Variants in CGNL1 observed in about 807,000 individuals in gnomAD.
The protein encoded by CGNL1 is cingulin like 1.
CGNL1 carries 132 observed loss-of-function variants against 141.2 expected under a neutral mutation model. The observed-to-expected ratio is 0.93, with a 90% CI of 0.81 to 1.08. The LOEUF (loss-of-function observed/expected upper bound fraction) is 1.08, where lower values mean the gene tolerates loss of function less well. CGNL1 is among the 50% of genes least tolerant of loss of function. The pLI is 0.00. For synonymous variants in CGNL1, 690 were observed against 622.1 expected (o/e 1.11, Z -1.63); for missense variants, 1,870 against 1,588.6 (o/e 1.18, Z -3.01).
chr15:57,394,976 G>A (rs1215634350), intron 1 of CGNL1, among the ~76,000 whole-genome samples: 2 of 152,166 alleles, frequency 1.3e-5, no homozygotes, highest in Non-Finnish European at 2.9e-5. Context: ...GCTGTGCATG[G>A]TGGCATACGC....
chr15:57,504,980 G>T (rs1032757287), intron 8 of CGNL1, among the ~76,000 whole-genome samples: 1 of 152,184 alleles, frequency 6.6e-6, no homozygotes, highest in Non-Finnish European at 1.5e-5. Context: ...TCTTGGATTA[G>T]ACTTGGTTAC....
chr15:57,409,026 G>A (rs1867643), intron 1 of CGNL1, among the ~76,000 whole-genome samples: 2,223 of 104,690 alleles, frequency 0.021, 55 homozygotes, highest in African/African-American at 0.075. Flanking sequence ...GGGTGAGACA[G>A]TGAGACTCTG....
chr15:57,416,173 C>G (rs1214297968), intron 1 of CGNL1, among the ~76,000 whole-genome samples: 1 of 150,814 alleles, frequency 6.6e-6, no homozygotes, highest in Non-Finnish European at 1.5e-5. Context: ...TTGAAGCAGC[C>G]ACCCTCTTTT....
intron 8 of CGNL1, among the ~76,000 whole-genome samples, chr15:57,512,760 G>C (rs2030427919): frequency 6.6e-6 from 1 of 152,090 alleles, no homozygotes; most frequent in Non-Finnish European, 1.5e-5. Context: ...GAGATTTCCG[G>C]GTGAATGAAA....
intron 8 of CGNL1, among the ~76,000 whole-genome samples, chr15:57,481,900 T>C (rs1331993476): frequency 2.0e-5 from 3 of 152,208 alleles, no homozygotes; most frequent in African/African-American, 7.2e-5. Context: ...AGTGACCCAG[T>C]TTCTCTGAAT....
At chr15:57,472,241 G>A (rs1208739271) in intron 8 of CGNL1, among the ~76,000 whole-genome samples, 3 of 152,038 alleles carry the variant, frequency 2.0e-5, no homozygotes, top group African/African-American at 4.8e-5. Context: ...AGAGGAAATA[G>A]CATGTGCAAG....
rs1285081896 is a variant in CGNL1 at position 57,507,379 on chromosome 15, A to G, written c.2404-9401A>G. Among the ~76,000 whole-genome samples, 7 of 152,182 alleles carry G rather than the reference A, an allele frequency of 4.6e-5. No homozygotes were observed. In the East Asian group the frequency reaches 9.6e-4, roughly 21 times the overall value. On this transcript the variant is annotated intron_variant, in intron 8 of 18. Coordinates refer to ENST00000281282, the MANE Select transcript of CGNL1 (RefSeq NM_032866.5). The stretch of plus-strand genomic sequence containing the variant: ...GTCGTAACTTTTGTCTTGGACCTAT[A>G]TTTTAATTACAGGCCACTCTGAGAG...
At chr15:57,490,810 C>T (rs938243255) in intron 8 of CGNL1, among the ~76,000 whole-genome samples, 1 of 152,108 alleles carries the variant, frequency 6.6e-6, no homozygotes, top group African/African-American at 2.4e-5. Context: ...ACGTCAGCCA[C>T]GTGATCAATT....
intron 1 of CGNL1, among the ~76,000 whole-genome samples, chr15:57,434,040 C>T (rs1461971514): frequency 7.0e-6 from 1 of 142,488 alleles, no homozygotes; most frequent in Non-Finnish European, 1.5e-5. Context: ...AGTCAGGGTT[C>T]ATCAGGTGTA....
chr15:57,453,910 T>C, intron 7 of CGNL1, 92 bp downstream of exon 7: 2 of 1,435,064 alleles, frequency 1.4e-6, no homozygotes, highest in Non-Finnish European at 1.9e-6. Flanking sequence ...AGCCACTTTC[T>C]GATGTGCACA....
At chr15:57,544,226 G>T (rs866393896) in intron 15 of CGNL1, among the ~76,000 whole-genome samples, 1 of 152,214 alleles carries the variant, frequency 6.6e-6, no homozygotes, top group African/African-American at 2.4e-5. Flanking sequence ...TTAGGACATG[G>T]CAAAGGTTTC....
At chr15:57,541,684 A>G (rs944663237) in intron 14 of CGNL1, among the ~76,000 whole-genome samples, 3 of 152,252 alleles carry the variant, frequency 2.0e-5, no homozygotes, top group Non-Finnish European at 4.4e-5. Flanking sequence ...CTCTAGGCCT[A>G]TTGGAATCCT....
chr15:57,433,041 A>G (rs1361247384), intron 1 of CGNL1, among the ~76,000 whole-genome samples: 1 of 152,248 alleles, frequency 6.6e-6, no homozygotes, highest in East Asian at 1.9e-4. Context: ...GTGTCAGCAT[A>G]AGAACTGATT....
intron 14 of CGNL1, among the ~76,000 whole-genome samples, chr15:57,542,148 G>C (rs529526878): frequency 1.3e-5 from 2 of 152,314 alleles, no homozygotes; most frequent in African/African-American, 4.8e-5. Context: ...CTCCATGGGG[G>C]ACAGTGAGGA....
intron 8 of CGNL1, among the ~76,000 whole-genome samples, chr15:57,476,650 G>A (rs778059357): frequency 3.9e-5 from 6 of 152,194 alleles, no homozygotes; most frequent in East Asian, 1.9e-4. Flanking sequence ...GTGACCACAC[G>A]TTAGAATTCT....
chr15:57,545,981 G>C, intron 17 of CGNL1, 95 bp from the exon 18 acceptor site: 4 of 1,398,256 alleles, frequency 2.9e-6, no homozygotes, highest in Non-Finnish European at 3.9e-6. Context: ...CCCATGTCTT[G>C]GTTGCCTGGG....
At chr15:57,439,821 T>G (rs1211506972) in intron 2 of CGNL1, among the ~76,000 whole-genome samples, 1 of 152,198 alleles carries the variant, frequency 6.6e-6, no homozygotes, top group South Asian at 2.1e-4. Context: ...TGGATTCCCA[T>G]TGTGATCTCT....
At chr15:57,411,932 G>C (rs1270348835) in intron 1 of CGNL1, among the ~76,000 whole-genome samples, 1 of 152,140 alleles carries the variant, frequency 6.6e-6, no homozygotes, top group Non-Finnish European at 1.5e-5. Flanking sequence ...AGCATCAAAT[G>C]CTTCTTGGAA....
At chr15:57,483,438 T>A (rs1304193819) in intron 8 of CGNL1, among the ~76,000 whole-genome samples, 6 of 151,730 alleles carry the variant, frequency 4.0e-5, no homozygotes, top group African/African-American at 1.5e-4. Context: ...TTTCTTTACC[T>A]TGCTGAAATC....
Sources: allele counts gnomAD v4.1 joint callset (sites outside exome capture counted in the v4.1 genomes callset), GRCh38; gene constraint gnomAD v4.1.1; transcripts MANE v1.5; gene names NCBI Gene and HGNC (gene_info 2026-07-23, HGNC 2026-07-21).